Variants in PTPN3 observed in about 807,000 individuals in gnomAD.
PTPN3 encodes tyrosine-protein phosphatase non-receptor type 3.
In PTPN3, 96 loss-of-function variants were observed where a neutral mutation model predicts 132.7. The observed-to-expected ratio is 0.72, with a 90% CI of 0.61 to 0.86. The LOEUF (loss-of-function observed/expected upper bound fraction) is 0.86, where lower values mean the gene tolerates loss of function less well. PTPN3 is among the 40% of genes least tolerant of loss of function. The pLI is 0.00. For synonymous variants in PTPN3, 398 were observed against 429.0 expected (o/e 0.93, Z 0.89); for missense variants, 1,125 against 1,159.6 (o/e 0.97, Z 0.43).
In PTPN3 at chr9:109,452,347, C is replaced by T. The variant is rs143496921; in HGVS notation, c.368+2149G>A. Reference sequence around the variant, plus strand: ...TGGTACTTACTATAGTTTTATAAAACGTTTGCTTCAGTAATTTATATATGT... The same window carrying T: ...TGGTACTTACTATAGTTTTATAAAATGTTTGCTTCAGTAATTTATATATGT... On this transcript the variant is annotated intron_variant, in intron 5 of 25. Transcript: ENST00000374541. 8.6e-3 allele frequency among the ~76,000 whole-genome samples: 1,276 copies of T among 148,716 alleles called. 24 individuals carry two copies. Among genetic ancestry groups the T allele is most frequent in the African/African-American group, 0.028 (1,137 of 40,180 alleles).
intron 10 of PTPN3, among the ~76,000 whole-genome samples, chr9:109,431,458 G>A (rs2131897858): frequency 6.6e-6 from 1 of 152,326 alleles, no homozygotes; most frequent in Non-Finnish European, 1.5e-5. Flanking sequence ...TGTGCCCTCT[G>A]CTTAGCCTGA....
Position 109,381,767 on chromosome 9 carries a change from C to G in PTPN3, c.2549G>C (p.Gly850Ala). Residue 850 changes from glycine (G) to alanine (A), a missense_variant, in exon 25 of 26, where the codon GGT (glycine) becomes GCT (alanine). Physicochemically the swap from Gly to Ala is moderately conservative, Grantham distance 60. Transcript: ENST00000374541. ...VHCSAGIGRT[G>A]VLVTMETAMC... is the part of the protein sequence containing the mutation. ...GGCTGTTTCCATAGTGACCAACACACCGGTTCGACCTATTCCAGCACTGGA... is the reference window on the plus strand; with the variant it reads ...GGCTGTTTCCATAGTGACCAACACAGCGGTTCGACCTATTCCAGCACTGGA... The G allele has an allele frequency of 6.2e-7, 1 of 1,614,258 alleles. No individual in the cohort carries two copies.
intron 14 of PTPN3, among the ~76,000 whole-genome samples, chr9:109,415,031 T>TGTCCGTCCGTCCGTCCGTCCATCC (rs1842364661): frequency 1.6e-5 from 1 of 62,250 alleles, no homozygotes; most frequent in African/African-American, 5.6e-5. Context: ...TTTGTCCGTC[T>TGTCCGTCCGTCCGTCCGTCCATCC]GTCCGTCCGT....
intron 1 of PTPN3, among the ~76,000 whole-genome samples, chr9:109,478,670 C>T (rs1008963916): frequency 2.0e-5 from 3 of 152,146 alleles, no homozygotes; most frequent in African/African-American, 7.2e-5. Context: ...TGATGATTTG[C>T]GCAAAATCGC....
At chr9:109,400,090 G>C (rs1840958429) in intron 19 of PTPN3, among the ~76,000 whole-genome samples, 1 of 152,104 alleles carries the variant, frequency 6.6e-6, no homozygotes, top group Admixed American at 6.6e-5. Flanking sequence ...ACCATGGCTG[G>C]CTAATTTTTT....
chr9:109,408,226 TG>T, intron 17 of PTPN3, 94 bp downstream of exon 17: 1 of 1,015,128 alleles, frequency 9.9e-7, no homozygotes, highest in Non-Finnish European at 1.4e-6. Flanking sequence ...TTCTTTGCTC[TG>T]GCAAAAAAAG....
chr9:109,390,864 G>A (rs371445507), intron 21 of PTPN3, among the ~76,000 whole-genome samples: 3 of 152,218 alleles, frequency 2.0e-5, no homozygotes, highest in East Asian at 3.9e-4. Flanking sequence ...CTCAGTACAG[G>A]GGCATGTGGA....
intron 6 of PTPN3, among the ~76,000 whole-genome samples, chr9:109,447,080 G>A (rs940900151): frequency 2.0e-5 from 3 of 152,214 alleles, no homozygotes; most frequent in African/African-American, 7.2e-5. Flanking sequence ...TCAGAGAGGT[G>A]GTGAGGACTT....
At chr9:109,447,372 TG>T (rs1844934911) in intron 6 of PTPN3, among the ~76,000 whole-genome samples, 1 of 152,096 alleles carries the variant, frequency 6.6e-6, no homozygotes, top group African/African-American at 2.4e-5. Context: ...AAGGACAGCC[TG>T]GACCCAGGAG....
chr9:109,410,491 G>A lies in PTPN3; in HGVS notation c.1314-76C>T, dbSNP rs1841998767. 8.8e-6 allele frequency: 13 copies of A among 1,482,228 alleles called. No individual in the cohort carries two copies. In the South Asian group the frequency reaches 1.4e-4, roughly 16 times the overall value. 91.8% of individuals were successfully genotyped at this position (1,482,228 alleles called of 1,614,324 possible). On this transcript the variant is annotated intron_variant, in intron 14 of 25. Coordinates refer to ENST00000374541, the MANE Select transcript of PTPN3 (RefSeq NM_002829.4). Reference sequence around the variant, plus strand: ...AGAGCAAACACTACTGACTGTAGGGGCCTGGCAGCTGGGGGCTGTATGTTT... The same window carrying A: ...AGAGCAAACACTACTGACTGTAGGGACCTGGCAGCTGGGGGCTGTATGTTT...
At chr9:109,487,087 C>T (rs953155024) in intron 1 of PTPN3, among the ~76,000 whole-genome samples, 2 of 152,126 alleles carry the variant, frequency 1.3e-5, no homozygotes, top group Non-Finnish European at 2.9e-5. Context: ...ATGATCAGGC[C>T]GGAGACACAG....
chr9:109,461,292 A>G (rs1222250289), intron 2 of PTPN3, among the ~76,000 whole-genome samples: 3 of 152,138 alleles, frequency 2.0e-5, no homozygotes, highest in Non-Finnish European at 2.9e-5. Context: ...CTCAGGCCCC[A>G]CCCCACAGAG....
At chr9:109,533,308 C>T in the PTPN3 span, 27 of 418,194 alleles carry the variant, frequency 6.5e-5, 1 homozygote, top group Middle Eastern at 1.5e-3. Context: ...CCGCGCCCGG[C>T]TAATTTTTTG....
At chr9:109,466,123 G>A (rs1248307956) in intron 1 of PTPN3, among the ~76,000 whole-genome samples, 1 of 152,158 alleles carries the variant, frequency 6.6e-6, no homozygotes, top group African/African-American at 2.4e-5. Context: ...TAGATGCGAA[G>A]CCCCACAAGG....
At chr9:109,456,104 G>A (rs1035384730) in intron 4 of PTPN3, among the ~76,000 whole-genome samples, 2 of 152,316 alleles carry the variant, frequency 1.3e-5, no homozygotes, top group African/African-American at 4.8e-5. Flanking sequence ...AGACGGGAGC[G>A]AAGGCCACTG....
At chr9:109,452,575 T>A (rs561899475) in intron 5 of PTPN3, among the ~76,000 whole-genome samples, 1 of 151,996 alleles carries the variant, frequency 6.6e-6, no homozygotes, top group Non-Finnish European at 1.5e-5. Context: ...GAGCCTTTTT[T>A]TTTTTTCTGC....
At chr9:109,493,790 C>A (rs1234929485) in intron 1 of PTPN3, among the ~76,000 whole-genome samples, 1 of 152,208 alleles carries the variant, frequency 6.6e-6, no homozygotes, top group Non-Finnish European at 1.5e-5. Flanking sequence ...TATGTAAAGG[C>A]AGCCAGGGGG....
chr9:109,447,593 C>T (rs1844948082), intron 6 of PTPN3, among the ~76,000 whole-genome samples: 1 of 152,164 alleles, frequency 6.6e-6, no homozygotes, highest in Non-Finnish European at 1.5e-5. Flanking sequence ...GTCAACAGCT[C>T]TGGAAATCCT....
chr9:109,402,469 G>A (rs1022676679), intron 19 of PTPN3, among the ~76,000 whole-genome samples: 136 of 152,018 alleles, frequency 8.9e-4, no homozygotes, highest in African/African-American at 3.2e-3. Flanking sequence ...AATAGAGACA[G>A]GGTTTCACCA....
Sources: allele counts gnomAD v4.1 joint callset (sites outside exome capture counted in the v4.1 genomes callset), GRCh38; gene constraint gnomAD v4.1.1; transcripts MANE v1.5; gene names NCBI Gene and HGNC (gene_info 2026-07-23, HGNC 2026-07-21).